SPTB: variants seen among roughly 807,000 people sequenced by gnomAD.
The protein encoded by SPTB is spectrin beta, erythrocytic.
SPTB carries 45 observed loss-of-function variants against 256.2 expected under a neutral mutation model. That is an observed-to-expected ratio of 0.18 (90% CI 0.14 to 0.23). SPTB has a LOEUF of 0.23. SPTB is among the 10% of genes least tolerant of loss of function. SPTB has a pLI of 1.00. For missense variants in SPTB, 2,715 were observed against 3,040.4 expected, an observed-to-expected ratio of 0.89 and a Z score of 2.52; for synonymous variants, 1,231 against 1,243.1, an observed-to-expected ratio of 0.99 and a Z score of 0.21.
chr14:64,758,050 G>A lies in SPTB; in HGVS notation c.6346-4257C>T, dbSNP rs754730428. On this transcript the variant is annotated intron_variant, in intron 32 of 35. Coordinates refer to ENST00000644917, the MANE Select transcript of SPTB (RefSeq NM_001355436.2). This position sits in a 1 kb window ranked among gnomAD's most constrained non-coding sequence, Gnocchi z 4.6. ...AGAACCTTCCTGACTCAGTTAGTGGGAGTGAGCCCATGACCTACTTCACAG... is the reference window on the plus strand; with the variant it reads ...AGAACCTTCCTGACTCAGTTAGTGGAAGTGAGCCCATGACCTACTTCACAG... Among the ~76,000 whole-genome samples, 10 of 152,224 alleles carry A rather than the reference G, an allele frequency of 6.6e-5. No individual in the cohort carries two copies. The highest frequency in any genetic ancestry group is 1.3e-4 in the Non-Finnish European group (9 of 68,030).
chr14:64,812,017 AT>A (rs1301239170), intron 2 of SPTB, among the ~76,000 whole-genome samples: 4 of 152,250 alleles, frequency 2.6e-5, no homozygotes, highest in African/African-American at 9.6e-5. Context: ...GTAAAAAAAA[AT>A]CATTGCATTT....
rs373724473 is a variant in SPTB at position 64,775,393 on chromosome 14, T to C, written c.4574A>G (p.Asn1525Ser). 7.1e-5 allele frequency: 114 copies of C among 1,611,596 alleles called. No homozygotes were observed. The highest frequency in any genetic ancestry group is 9.2e-5 in the Non-Finnish European group (108 of 1,178,266). The change falls in exon 23 of 36, where the codon AAT (asparagine) becomes AGT (serine). Residue 1525 changes from asparagine (N) to serine (S), a missense_variant. Physicochemically the swap from Asn to Ser is conservative, Grantham distance 46. This residue lies in a region of SPTB where 2,239 missense variants were observed against 2,384.4 expected (regional missense o/e 0.94). Transcript: ENST00000644917. This position sits in a 1 kb window ranked among gnomAD's most constrained non-coding sequence, Gnocchi z 5.0. ...LFMKKNQTLQ[N>S]EILGHTPRVE... The stretch of plus-strand genomic sequence containing the variant: ...CCGCGGCGTATGGCCCAGAATCTCA[T>C]TCTGCAGTGTCTGCGGCCAGAAGGA...
intron 15 of SPTB, 59 bp downstream of exon 15, chr14:64,791,660 A>G: frequency 6.3e-7 from 1 of 1,581,150 alleles, no homozygotes; most frequent in Admixed American, 1.7e-5. Context: ...CCCGGCCCCC[A>G]GCAGTGTGTC....
rs151164761 is a variant in SPTB at position 64,793,408 on chromosome 14, G to A, written c.2255C>T (p.Ala752Val). ...AENFFQFQGD[A>V]DDLKAWLQDA... ...TTGCAGCCAAGCCTTCAGGTCATCC[G>A]CATCGCCCTGGAACTGGAAAAAGTT... The change falls in exon 14 of 36, where the codon GCG (alanine) becomes GTG (valine). Residue 752 changes from alanine (A) to valine (V), a missense_variant. Ala to Val is a moderately conservative substitution (Grantham distance 64). This residue lies in a region of SPTB where 2,239 missense variants were observed against 2,384.4 expected (regional missense o/e 0.94). Coordinates refer to ENST00000644917, the MANE Select transcript of SPTB (RefSeq NM_001355436.2). This position sits in a 1 kb window ranked among gnomAD's most constrained non-coding sequence, Gnocchi z 7.0. 12 of 1,613,274 alleles carry A rather than the reference G, an allele frequency of 7.4e-6. No individual in the cohort carries two copies. The highest frequency in any genetic ancestry group is 1.6e-4 in the Middle Eastern group (1 of 6,084).
chr14:64,773,875 G>T (rs1047875016), intron 24 of SPTB, among the ~76,000 whole-genome samples: 10 of 152,192 alleles, frequency 6.6e-5, no homozygotes, highest in African/African-American at 2.4e-4. Flanking sequence ...GACCCACAGT[G>T]GTGGGCACCC....
At position 64,841,756 on chromosome 14, in the gene SPTB, T is replaced by TATATATA. The variant is rs1555375959; in HGVS notation, c.-51-18612_-51-18611insTATATAT. On this transcript the variant is annotated intron_variant, in intron 1 of 35. Transcript: ENST00000644917. The surrounding 1 kb of genome is among the most constrained non-coding windows in gnomAD (Gnocchi z 4.6). ...CTGACATCCCATATATATATATATA[T>TATATATA]TTTTTAAGGGTCTTTCTTTAACACA... Among the ~76,000 whole-genome samples, 1 of 151,644 alleles carries TATATATA rather than the reference T, an allele frequency of 6.6e-6. No homozygotes were observed. Among genetic ancestry groups the TATATATA allele is most frequent in the African/African-American group, 2.4e-5 (1 of 41,078 alleles).
chr14:64,806,264 G>C lies in SPTB; in HGVS notation c.149-1174C>G, dbSNP rs1365455132. Among the ~76,000 whole-genome samples, 1 of 152,246 alleles carries C rather than the reference G, an allele frequency of 6.6e-6. No individual in the cohort carries two copies. The highest frequency in any genetic ancestry group is 1.5e-5 in the Non-Finnish European group (1 of 68,050). On this transcript the variant is annotated intron_variant, in intron 2 of 35. Coordinates refer to ENST00000644917, the MANE Select transcript of SPTB (RefSeq NM_001355436.2). This position sits in a 1 kb window ranked among gnomAD's most constrained non-coding sequence, Gnocchi z 4.1. ...TGAGCCCTCTCTGGATTTATGAACA[G>C]TTTGGTGGCAATTAGCTTCTGGGCA...
intron 10 of SPTB, 113 bp downstream of exon 10, chr14:64,797,616 A>T: frequency 1.1e-6 from 1 of 921,748 alleles, no homozygotes; most frequent in Non-Finnish European, 1.8e-6. Flanking sequence ...CATGTGGATT[A>T]ATAACATCAA....
At chr14:64,801,895 T>A (rs1296937345) in intron 5 of SPTB, 61 bp from the exon 6 acceptor site, 3 of 1,514,050 alleles carry the variant, frequency 2.0e-6, no homozygotes, top group Non-Finnish European at 2.8e-6. Flanking sequence ...CAAACAAGTG[T>A]ACAAATTGAG....
intron 15 of SPTB, among the ~76,000 whole-genome samples, chr14:64,787,751 C>T (rs1241554947): frequency 2.6e-5 from 4 of 152,244 alleles, no homozygotes; most frequent in East Asian, 1.9e-4. Flanking sequence ...TCTTAACCTT[C>T]GAGTGCAGTG....
chr14:64,872,792 T>C (rs1312744342), intron 1 of SPTB, among the ~76,000 whole-genome samples: 1 of 152,194 alleles, frequency 6.6e-6, no homozygotes, highest in East Asian at 1.9e-4. Context: ...TCCTGTGCTG[T>C]TCTCGTGATA....
Position 64,772,519 on chromosome 14 carries a change from G to A in SPTB, c.5553+61C>T. 1 of 1,591,208 alleles carries A rather than the reference G, an allele frequency of 6.3e-7. No individual in the cohort carries two copies. Among genetic ancestry groups the A allele is most frequent in the Non-Finnish European group, 8.5e-7 (1 of 1,176,702 alleles). ...GGTTTTCCTGCTGACAGCCAGGTGG[G>A]GACTGACACCCAGGGCTCCTGGAAA... On this transcript the variant is annotated intron_variant, in intron 26 of 35. Coordinates refer to ENST00000644917, the MANE Select transcript of SPTB (RefSeq NM_001355436.2). The surrounding 1 kb of genome is among the most constrained non-coding windows in gnomAD (Gnocchi z 5.4).
chr14:64,857,577 CAAAAAAAAAAAA>C (rs34021718), intron 1 of SPTB, among the ~76,000 whole-genome samples: 1 of 61,354 alleles, frequency 1.6e-5, no homozygotes, highest in Non-Finnish European at 3.0e-5. Context: ...GACACTGCCT[CAAAAAAAAAAAA>C]AAAAAAAAAA....
At chr14:64,815,022 G>GTGTGTGTGCA (rs59437385) in intron 2 of SPTB, among the ~76,000 whole-genome samples, 53,044 of 151,302 alleles carry the variant, frequency 0.35, 10,442 homozygotes, top group African/African-American at 0.54. Context: ...GTGTGTATGT[G>GTGTGTGTGCA]TGTGTGTGCA....
intron 19 of SPTB, among the ~76,000 whole-genome samples, chr14:64,783,597 G>A (rs2139551983): frequency 6.6e-6 from 1 of 152,336 alleles, no homozygotes; most frequent in Admixed American, 6.5e-5. Context: ...ACTCCACTGG[G>A]AAGGTCCTAT....
In SPTB at chr14:64,772,502, T is replaced by C. The variant is rs2139501684; in HGVS notation, c.5553+78A>G. ...CTGGCACTTATCCTAGAGGTTTTCC[T>C]GCTGACAGCCAGGTGGGGACTGACA... On this transcript the variant is annotated intron_variant, in intron 26 of 35. Coordinates refer to ENST00000644917, the MANE Select transcript of SPTB (RefSeq NM_001355436.2). This position sits in a 1 kb window ranked among gnomAD's most constrained non-coding sequence, Gnocchi z 5.4. The C allele has an allele frequency of 6.4e-7, 1 of 1,572,642 alleles. No individual in the cohort carries two copies.
At chr14:64,763,149 C>T (rs972635306) in intron 32 of SPTB, among the ~76,000 whole-genome samples, 4 of 152,246 alleles carry the variant, frequency 2.6e-5, no homozygotes, top group African/African-American at 9.6e-5. Context: ...AACAGCCTCT[C>T]ACCACACATT....
rs971604960 is a variant in SPTB, at chr14:64,847,902, T to G, written c.-51-24757A>C. 2.0e-5 allele frequency among the ~76,000 whole-genome samples: 3 copies of G among 152,118 alleles called. No homozygotes were observed. Among genetic ancestry groups the G allele is most frequent in the African/African-American group, 7.2e-5 (3 of 41,422 alleles). On this transcript the variant is annotated intron_variant, in intron 1 of 35. Transcript: ENST00000644917. The surrounding 1 kb of genome is among the most constrained non-coding windows in gnomAD (Gnocchi z 5.9). Reference sequence around the variant, plus strand: ...AAAGGGAGGCACTCCACACCTCCGCTTCCTCCACTGTCCGTGGCCAGGTGA... The same window carrying G: ...AAAGGGAGGCACTCCACACCTCCGCGTCCTCCACTGTCCGTGGCCAGGTGA...
At position 64,802,381 on chromosome 14, in the gene SPTB, G is replaced by A. The variant is rs145587266; in HGVS notation, c.475-64C>T. The A allele has an allele frequency of 1.0e-4, 152 of 1,484,372 alleles. 2 individuals carry two copies. The highest frequency in any genetic ancestry group is 1.4e-4 in the East Asian group (6 of 43,174). The allele number at this position is 1,484,372 out of a possible 1,614,324, so 92.0% of individuals were successfully genotyped here. A position where few individuals can be genotyped will look rare whatever the true frequency, so the allele number is the denominator to read the frequency against. On this transcript the variant is annotated intron_variant, in intron 4 of 35. Transcript: ENST00000644917. This position sits in a 1 kb window ranked among gnomAD's most constrained non-coding sequence, Gnocchi z 5.1. ...GCATCTGGATCTGTGCTTTCCTGCC[G>A]TCCCTGGGAGGCTCCCTCCCTCATC...
Sources: gnomAD v4.1 joint callset for allele counts (sites outside exome capture counted in the v4.1 genomes callset) on GRCh38, gnomAD v4.1.1 for gene constraint, gnomAD v4.1.1 regional missense constraint, Gnocchi (gnomAD v3.1) non-coding constraint, MANE v1.5 for transcripts, NCBI Gene and HGNC (gene_info 2026-07-23, HGNC 2026-07-21) for gene names.